ARPC2: variants seen among roughly 807,000 people sequenced by gnomAD.
ARPC2 encodes the protein actin related protein 2/3 complex subunit 2.
In ARPC2, 4 loss-of-function variants were observed where a neutral mutation model predicts 38.6. The ratio of observed to expected loss-of-function variants is 0.10; its 90% CI spans 0.05 to 0.24. The LOEUF (loss-of-function observed/expected upper bound fraction) is 0.24, where lower values mean the gene tolerates loss of function less well. Ranked by LOEUF, ARPC2 falls within the 10% of genes least tolerant of loss-of-function variation. The pLI is 1.00. For missense variants in ARPC2, 229 were observed against 387.3 expected (o/e 0.59, Z 3.43); for synonymous variants, 125 against 140.8 (o/e 0.89, Z 0.79).
At chr2:218,242,104 G>A (rs983009390) in intron 7 of ARPC2, among the ~76,000 whole-genome samples, 9 of 152,168 alleles carry the variant, frequency 5.9e-5, no homozygotes, top group African/African-American at 2.2e-4. Context: ...TGCACATCCA[G>A]CCTGATCAGA....
chr2:218,243,292 A>G (rs1689959165), intron 7 of ARPC2, among the ~76,000 whole-genome samples: 1 of 152,226 alleles, frequency 6.6e-6, no homozygotes, highest in South Asian at 2.1e-4. Flanking sequence ...TATGATAAAT[A>G]GTACTTTGGA....
intron 5 of ARPC2, chr2:218,236,214 G>A (rs1226673494): frequency 1.3e-5 from 2 of 151,840 alleles, no homozygotes; most frequent in African/African-American, 4.8e-5. Flanking sequence ...AGTATATTCT[G>A]TTCATCATGT....
At chr2:218,229,420 G>C (rs1689580416) in intron 4 of ARPC2, 1 of 152,266 alleles carries the variant, frequency 6.6e-6, no homozygotes, top group Non-Finnish European at 1.5e-5. Flanking sequence ...CTGTTGAACT[G>C]TATTTGCTCT....
chr2:218,241,523 G>T (rs976180512), intron 7 of ARPC2, among the ~76,000 whole-genome samples: 2 of 152,202 alleles, frequency 1.3e-5, no homozygotes, highest in African/African-American at 4.8e-5. Flanking sequence ...TAAATCCAGA[G>T]TAACAAAACT....
chr2:218,239,024 A>G (rs1689845481), intron 6 of ARPC2, 174 bp downstream of exon 6: 2 of 597,786 alleles, frequency 3.3e-6, no homozygotes, highest in Non-Finnish European at 5.9e-6. Flanking sequence ...CACTCCTCCT[A>G]CTCTCCAGAT....
At position 218,228,636 on chromosome 2, in the gene ARPC2, C is replaced by T. The variant is rs1689563262; in HGVS notation, c.110-102C>T. The T allele has an allele frequency of 4.9e-6, 3 of 612,400 alleles. No individual in the cohort carries two copies. In the East Asian group the frequency reaches 8.6e-5, roughly 18 times the overall value. The allele number at this position is 612,400 out of a possible 1,614,324, so 37.9% of individuals were successfully genotyped here. A position where few individuals can be genotyped will look rare whatever the true frequency, so the allele number is the denominator to read the frequency against. On this transcript the variant is annotated intron_variant, in intron 3 of 10. Coordinates refer to ENST00000315717, the MANE Select transcript of ARPC2 (RefSeq NM_152862.3). ...TAAGTTCCATTTTACTTACATGCCT[C>T]CTTAAAAGTGGTCTTCCTTGTGGCC...
chr2:218,225,645 G>A (rs1325897184), intron 2 of ARPC2, among the ~76,000 whole-genome samples: 1 of 152,188 alleles, frequency 6.6e-6, no homozygotes, highest in Non-Finnish European at 1.5e-5. Context: ...TTGAAAGTGA[G>A]CACCAACCAA....
chr2:218,244,518 G>A (rs373919323), intron 7 of ARPC2, among the ~76,000 whole-genome samples: 1 of 152,210 alleles, frequency 6.6e-6, no homozygotes, highest in African/African-American at 2.4e-5. Context: ...AAATTAAGCA[G>A]GATCTTTGAT....
intron 10 of ARPC2, among the ~76,000 whole-genome samples, chr2:218,251,930 G>A (rs939866827): frequency 1.3e-5 from 2 of 152,122 alleles, no homozygotes; most frequent in Non-Finnish European, 2.9e-5. Context: ...TTGTCAAAAA[G>A]CAGTTTAAGG....
intron 3 of ARPC2, among the ~76,000 whole-genome samples, chr2:218,226,299 A>G (rs1393439992): frequency 4.6e-5 from 7 of 150,882 alleles, no homozygotes; most frequent in Non-Finnish European, 7.4e-5. Flanking sequence ...CAAAAAAAAA[A>G]AGAGAGAGAC....
intron 8 of ARPC2, among the ~76,000 whole-genome samples, chr2:218,246,248 T>C (rs1012507988): frequency 7.0e-6 from 1 of 142,680 alleles, no homozygotes; most frequent in Non-Finnish European, 1.5e-5. Context: ...TGAGGCTGGG[T>C]GCGGTGTCTC....
intron 2 of ARPC2, among the ~76,000 whole-genome samples, chr2:218,220,927 A>G (rs953863847): frequency 1.2e-4 from 18 of 152,224 alleles, no homozygotes; most frequent in Admixed American, 8.5e-4. Context: ...AATGTGACTG[A>G]CTTAAAAGCT....
intron 3 of ARPC2, among the ~76,000 whole-genome samples, chr2:218,226,167 C>T (rs1439394970): frequency 1.3e-5 from 2 of 151,948 alleles, no homozygotes; most frequent in African/African-American, 2.4e-5. Flanking sequence ...GTGGTGGGCA[C>T]CTGTAATCCC....
At position 218,249,380 on chromosome 2, in the gene ARPC2, C is replaced by T. The variant is rs1376741333; in HGVS notation, c.693C>T (p.His231=). 1.2e-6 allele frequency: 2 copies of T among 1,613,132 alleles called. No homozygotes were observed. The highest frequency in any genetic ancestry group is 1.6e-4 in the Middle Eastern group (1 of 6,062). Residue 231 remains histidine (H), a synonymous_variant, in exon 9 of 11, where the codon CAC becomes CAT. Transcript: ENST00000315717. ...GYITFVLFPR[H]TNASARDNTI... ...CGCCTTCAGTGCTGTTCCCTCGTCA[C>T]ACCAATGCCAGTGCTCGAGACAACA...
intron 7 of ARPC2, among the ~76,000 whole-genome samples, chr2:218,244,741 A>G (rs1187743454): frequency 6.6e-6 from 1 of 152,240 alleles, no homozygotes; most frequent in Non-Finnish European, 1.5e-5. Context: ...TCCTAAAACA[A>G]GAGACCTTGG....
At chr2:218,253,181 G>T in intron 10 of ARPC2, 1 of 350,294 alleles carries the variant, frequency 2.9e-6, no homozygotes, top group Non-Finnish European at 5.6e-6. Context: ...TCCAAGACAG[G>T]GAAAATCTAG....
chr2:218,254,108 T>TAAA lies in ARPC2; in HGVS notation c.*207_*209dup, dbSNP rs376913304. On this transcript the variant is annotated 3_prime_UTR_variant, in exon 11 of 11. Transcript: ENST00000315717. ...CAAAGACTTCATAGTTCCCAAGAAT[T>TAAA]AAAAAAAAAAAAAAAAGAATTCCAC... The TAAA allele has an allele frequency of 3.0e-5, 13 of 426,658 alleles. No homozygotes were observed. The highest frequency in any genetic ancestry group is 8.9e-5 in the African/African-American group (4 of 45,170). 26.4% of individuals were successfully genotyped at this position (426,658 alleles called of 1,614,324 possible).
At position 218,239,359 on chromosome 2, in the gene ARPC2, G is replaced by C. The variant is rs1689853233; in HGVS notation, c.456-32G>C. 4.0e-6 allele frequency: 6 copies of C among 1,496,990 alleles called. No individual in the cohort carries two copies. The South Asian group carries it at 6.8e-5, about 17-fold the overall frequency. The allele number at this position is 1,496,990 out of a possible 1,614,324, so 92.7% of individuals were successfully genotyped here. On this transcript the variant is annotated intron_variant, in intron 6 of 10. Coordinates refer to ENST00000315717, the MANE Select transcript of ARPC2 (RefSeq NM_152862.3). ...ATTGACAAAACCCCATTCTGATTCT[G>C]TACTTATCCTCATGGATTTTGTTCC...
chr2:218,249,657 A>G (rs561449766), intron 9 of ARPC2, 164 bp from the exon 10 acceptor site: 2 of 773,732 alleles, frequency 2.6e-6, no homozygotes, highest in East Asian at 2.7e-5. Flanking sequence ...GCAGAGATGA[A>G]TATTTGTTTC....
Sources: gnomAD v4.1 joint callset for allele counts (sites outside exome capture counted in the v4.1 genomes callset) on GRCh38, gnomAD v4.1.1 for gene constraint, MANE v1.5 for transcripts, NCBI Gene and HGNC (gene_info 2026-07-23, HGNC 2026-07-21) for gene names.